ANKS1B: variants seen among roughly 807,000 people sequenced by gnomAD.
The protein encoded by ANKS1B is ankyrin repeat and sterile alpha motif domain containing 1B.
Under a neutral mutation model 148.3 loss-of-function variants are expected in ANKS1B, and 36 were observed. That is an observed-to-expected ratio of 0.24 (90% confidence interval 0.19 to 0.32). ANKS1B has a LOEUF of 0.32. Among genes scored for constraint, ANKS1B ranks in the 10% least tolerant of loss-of-function variants. ANKS1B has a pLI of 1.00. For missense variants in ANKS1B, 1,157 were observed against 1,542.6 expected, an observed-to-expected ratio of 0.75 and a Z score of 4.19; for synonymous variants, 542 against 560.8, an observed-to-expected ratio of 0.97 and a Z score of 0.47.
intron 12 of ANKS1B, among the ~76,000 whole-genome samples, chr12:99,294,319 C>A (rs1602514815): frequency 6.6e-6 from 1 of 152,294 alleles, no homozygotes; most frequent in South Asian, 2.1e-4. Context: ...GTGGTATATA[C>A]ACATAATGTA....
intron 22 of ANKS1B, among the ~76,000 whole-genome samples, chr12:98,798,529 A>G (rs2098972059): frequency 6.6e-6 from 1 of 152,102 alleles, no homozygotes; most frequent in Admixed American, 6.5e-5. Context: ...CATAAAGAAT[A>G]TTAGCTTTAT....
chr12:99,392,684 C>T (rs539639297), intron 12 of ANKS1B, among the ~76,000 whole-genome samples: 9 of 152,328 alleles, frequency 5.9e-5, no homozygotes, highest in African/African-American at 2.2e-4. Context: ...CGATGCTCAG[C>T]TTCTTTTCCC....
intron 1 of ANKS1B, among the ~76,000 whole-genome samples, chr12:99,898,230 T>G (rs1289742665): frequency 6.6e-6 from 1 of 152,168 alleles, no homozygotes; most frequent in African/African-American, 2.4e-5. Flanking sequence ...CTTCTTAATT[T>G]TATATACATG....
At chr12:99,764,532 C>A (rs186534917) in intron 8 of ANKS1B, among the ~76,000 whole-genome samples, 14 of 152,164 alleles carry the variant, frequency 9.2e-5, no homozygotes, top group African/African-American at 3.4e-4. Flanking sequence ...AAGTGATTCT[C>A]CTGCCTCAGC....
At chr12:99,135,615 C>T (rs192016251) in intron 15 of ANKS1B, among the ~76,000 whole-genome samples, 80 of 152,342 alleles carry the variant, frequency 5.3e-4, no homozygotes, top group Non-Finnish European at 9.4e-4. Flanking sequence ...AGAAAAATTA[C>T]ATCCGGCCTT....
At chr12:99,373,611 A>C (rs760973567) in intron 12 of ANKS1B, among the ~76,000 whole-genome samples, 9 of 152,102 alleles carry the variant, frequency 5.9e-5, no homozygotes, top group Non-Finnish European at 1.2e-4. Flanking sequence ...TTTTAAAGAG[A>C]CTTTTTCATT....
chr12:99,334,468 T>C (rs2088336643), intron 12 of ANKS1B, among the ~76,000 whole-genome samples: 1 of 152,068 alleles, frequency 6.6e-6, no homozygotes. Flanking sequence ...ATAATATTCA[T>C]ATCTCCACCC....
chr12:98,865,955 A>G (rs1211111774), intron 17 of ANKS1B, among the ~76,000 whole-genome samples: 1 of 152,154 alleles, frequency 6.6e-6, no homozygotes, highest in African/African-American at 2.4e-5. Flanking sequence ...CATGCTTCCT[A>G]ATAGATGGCC....
chr12:99,251,591 T>C (rs1469972178), intron 12 of ANKS1B, among the ~76,000 whole-genome samples: 2 of 152,200 alleles, frequency 1.3e-5, no homozygotes, highest in African/African-American at 2.4e-5. Flanking sequence ...AAGGCATCAT[T>C]AGCATTTCAA....
intron 1 of ANKS1B, among the ~76,000 whole-genome samples, chr12:99,854,567 A>G (rs1207915656): frequency 6.6e-6 from 1 of 152,228 alleles, no homozygotes; most frequent in Non-Finnish European, 1.5e-5. Context: ...AATTCATCGC[A>G]AAAAGATCAT....
intron 17 of ANKS1B, among the ~76,000 whole-genome samples, chr12:98,904,648 C>T (rs2099776510): frequency 6.6e-6 from 1 of 152,186 alleles, no homozygotes; most frequent in African/African-American, 2.4e-5. Context: ...AGGAGAGGAT[C>T]CAGAGAACTC....
chr12:99,483,951 T>C (rs992960165), intron 10 of ANKS1B, among the ~76,000 whole-genome samples: 1 of 152,056 alleles, frequency 6.6e-6, no homozygotes, highest in Non-Finnish European at 1.5e-5. Context: ...AAGAATCAGC[T>C]TTTTATTTCA....
rs758076696 is a variant in ANKS1B at position 98,801,071 on chromosome 12, C to T, written c.3196G>A (p.Ala1066Thr). The change falls in exon 21 of 27, where the codon GCC (alanine) becomes ACC (threonine). Residue 1066 changes from alanine to threonine, a missense_variant. Transcript: ENST00000683438. This position sits in a 1 kb window ranked among gnomAD's most constrained non-coding sequence, Gnocchi z 5.2. The stretch of plus-strand genomic sequence containing the variant: ...TGCCAGTACTGTACCGGGGTAGAGG[C>T]TGTGGCTTCATTCGGAGGTCGCAAG... ...ITLRPPNEAT[A>T]STPVQYWQHH... 9 of 1,612,818 alleles carry T rather than the reference C, an allele frequency of 5.6e-6. No individual in the cohort carries two copies. The East Asian group carries it at 1.8e-4, about 32-fold the overall frequency.
intron 17 of ANKS1B, among the ~76,000 whole-genome samples, chr12:98,949,507 A>C (rs972506499): frequency 6.6e-6 from 1 of 152,160 alleles, no homozygotes; most frequent in African/African-American, 2.4e-5. Context: ...TTTGAGCCTC[A>C]TTGGTCCAAA....
intron 1 of ANKS1B, among the ~76,000 whole-genome samples, chr12:99,962,371 A>G (rs1009316895): frequency 6.6e-6 from 1 of 152,198 alleles, no homozygotes; most frequent in Non-Finnish European, 1.5e-5. Context: ...TGCAAAGGAC[A>G]TGATCTCATT....
chr12:99,871,035 T>C (rs1234009736), intron 1 of ANKS1B, among the ~76,000 whole-genome samples: 1 of 152,222 alleles, frequency 6.6e-6, no homozygotes, highest in Non-Finnish European at 1.5e-5. Flanking sequence ...AATGTTTTCT[T>C]CTAATATTTT....
chr12:98,739,755 A>G (rs1429778863), downstream of ANKS1B, among the ~76,000 whole-genome samples: 1 of 152,156 alleles, frequency 6.6e-6, no homozygotes, highest in Non-Finnish European at 1.5e-5. Context: ...TGGGGCTTAG[A>G]AAAAACATGT....
At chr12:99,703,621 T>C (rs1216022619) in intron 8 of ANKS1B, among the ~76,000 whole-genome samples, 1 of 152,124 alleles carries the variant, frequency 6.6e-6, no homozygotes, top group Non-Finnish European at 1.5e-5. Context: ...TTTTGTGAAG[T>C]CATTGTGAAT....
chr12:98,988,306 C>T (rs1301001364), intron 17 of ANKS1B, among the ~76,000 whole-genome samples: 1 of 152,154 alleles, frequency 6.6e-6, no homozygotes, highest in African/African-American at 2.4e-5. Context: ...CTACTCTCTA[C>T]TTCTATGAGA....
Sources: allele counts gnomAD v4.1 joint callset (sites outside exome capture counted in the v4.1 genomes callset), GRCh38; gene constraint gnomAD v4.1.1; non-coding constraint Gnocchi (gnomAD v3.1); transcripts MANE v1.5; gene names NCBI Gene and HGNC (gene_info 2026-07-23, HGNC 2026-07-21).